Variants in PPP6R1 observed in about 807,000 individuals in gnomAD.
PPP6R1 encodes the protein protein phosphatase 6 regulatory subunit 1.
Under a neutral mutation model 104.6 loss-of-function variants are expected in PPP6R1, and 39 were observed. The ratio of observed to expected loss-of-function variants is 0.37; its 90% confidence interval spans 0.29 to 0.49. The LOEUF is 0.49. PPP6R1 is among the 20% of genes least tolerant of loss of function. The pLI is 0.98. For synonymous variants in PPP6R1, 549 were observed against 479.0 expected, an observed-to-expected ratio of 1.15 and a Z score of -1.91; for missense variants, 1,181 against 1,155.8, an observed-to-expected ratio of 1.02 and a Z score of -0.32.
chr19:55,230,336 T>A lies in PPP6R1; in HGVS notation c.*192A>T, dbSNP rs555642690. 507 of 714,178 alleles carry A rather than the reference T, an allele frequency of 7.1e-4. 3 individuals carry two copies. Among genetic ancestry groups the A allele is most frequent in the Middle Eastern group, 6.8e-3 (17 of 2,506 alleles). The allele number at this position is 714,178 out of a possible 1,614,324, so 44.2% of individuals were successfully genotyped here. A position where few individuals can be genotyped will look rare whatever the true frequency, so the allele number is the denominator to read the frequency against. On this transcript the variant is annotated 3_prime_UTR_variant, in exon 24 of 24. Transcript: ENST00000412770. ...TTCTAGGAGGCAACGCTCCAAAACT[T>A]CTCTTCTCAGTGCAAATGGGGGTGG...
At chr19:55,256,778 A>C (rs1488638149) in intron 1 of PPP6R1, among the ~76,000 whole-genome samples, 2 of 152,248 alleles carry the variant, frequency 1.3e-5, no homozygotes, top group African/African-American at 4.8e-5. Context: ...ACTTGAGTCC[A>C]GGAGTTCAAG....
downstream of PPP6R1, chr19:55,228,255 C>A: frequency 6.2e-7 from 1 of 1,612,580 alleles, no homozygotes; most frequent in Non-Finnish European, 8.5e-7. Flanking sequence ...CAAGGGCTCC[C>A]TGGAGGAGCT....
intron 1 of PPP6R1, among the ~76,000 whole-genome samples, chr19:55,257,296 ATGAAAT>A (rs1435442765): frequency 6.6e-6 from 1 of 152,158 alleles, no homozygotes; most frequent in Non-Finnish European, 1.5e-5. Context: ...CTTGGGCTGG[ATGAAAT>A]CCCACTGCAG....
At chr19:55,254,437 G>C (rs982130459) in intron 1 of PPP6R1, among the ~76,000 whole-genome samples, 12 of 152,032 alleles carry the variant, frequency 7.9e-5, no homozygotes, top group African/African-American at 2.9e-4. Context: ...ACCCCTCAAG[G>C]GCCTGCCAGC....
In PPP6R1 at chr19:55,239,924, GA is replaced by G; in HGVS notation, c.1478-14del. ...TCGCTGGGCAGCTCTGCTTAGGTGA[GA>G]GGGGTGAAGACGTGAGGCATCTCGG... On this transcript the variant is annotated splice_polypyrimidine_tract_variant and intron_variant, in intron 12 of 23. Coordinates refer to ENST00000412770, the MANE Select transcript of PPP6R1 (RefSeq NM_014931.4). 6.2e-7 allele frequency: 1 copy of G among 1,613,752 alleles called. No individual in the cohort carries two copies. The highest frequency in any genetic ancestry group is 8.5e-7 in the Non-Finnish European group (1 of 1,179,832).
chr19:55,252,571 T>G (rs2087562206), intron 1 of PPP6R1, among the ~76,000 whole-genome samples: 1 of 152,110 alleles, frequency 6.6e-6, no homozygotes, highest in African/African-American at 2.4e-5. Context: ...AATTTTTGTG[T>G]GTGTTTTTTT....
rs886673611 is a variant in PPP6R1 at position 55,245,780 on chromosome 19, G to A, written c.228-102C>T. On this transcript the variant is annotated intron_variant, in intron 2 of 23. Transcript: ENST00000412770. The surrounding 1 kb of genome is among the most constrained non-coding windows in gnomAD (Gnocchi z 6.4). ...TCTGCACCGGGCACTGGGTTTCTGG[G>A]AACTGCAGAGACCCCTGTCCAGGAA... 1.0e-6 allele frequency: 1 copy of A among 955,100 alleles called. No homozygotes were observed. Among genetic ancestry groups the A allele is most frequent in the East Asian group, 2.6e-5 (1 of 38,308 alleles). The allele number at this position is 955,100 out of a possible 1,614,324, so 59.2% of individuals were successfully genotyped here. A position where few individuals can be genotyped will look rare whatever the true frequency, so the allele number is the denominator to read the frequency against.
chr19:55,245,433 G>A lies in PPP6R1; in HGVS notation c.415-31C>T, dbSNP rs879018867. On this transcript the variant is annotated intron_variant, in intron 3 of 23. Coordinates refer to ENST00000412770, the MANE Select transcript of PPP6R1 (RefSeq NM_014931.4). The surrounding 1 kb of genome is among the most constrained non-coding windows in gnomAD (Gnocchi z 6.4). Reference sequence around the variant, plus strand: ...GGCACACGGGCTGCGTCATGCACAGGGCCTGGCCCAGCCACCACCCCTCAA... The same window carrying A: ...GGCACACGGGCTGCGTCATGCACAGAGCCTGGCCCAGCCACCACCCCTCAA... The A allele has an allele frequency of 3.7e-6, 6 of 1,612,592 alleles. No homozygotes were observed. Among genetic ancestry groups the A allele is most frequent in the Non-Finnish European group, 5.1e-6 (6 of 1,179,384 alleles).
Position 55,236,813 on chromosome 19 carries a change from G to A in PPP6R1, c.1818C>T (p.Ala606=), listed in dbSNP as rs2087403235. 1 of 1,613,784 alleles carries A rather than the reference G, an allele frequency of 6.2e-7. No homozygotes were observed. The highest frequency in any genetic ancestry group is 8.5e-7 in the Non-Finnish European group (1 of 1,179,818). ...CCTTGTAGCATATCTCAAGTAGGTT[G>A]GCGTTGGGCTGCAGGGCACAGGGGT... ...SLNADDENPN[A]NLLEICYKDR... The change falls in exon 17 of 24, where the codon GCC becomes GCT. Residue 606 remains alanine, a synonymous_variant. Coordinates refer to ENST00000412770, the MANE Select transcript of PPP6R1 (RefSeq NM_014931.4).
chr19:55,247,146 C>T, intron 1 of PPP6R1, 37 bp from the exon 2 acceptor site: 2 of 1,591,324 alleles, frequency 1.3e-6, no homozygotes, highest in Non-Finnish European at 1.7e-6. Flanking sequence ...GCGTCAGACG[C>T]CCCAGGGAGT....
At chr19:55,237,082 G>A in intron 15 of PPP6R1, 112 bp from the exon 16 acceptor site, 1 of 1,193,202 alleles carries the variant, frequency 8.4e-7, no homozygotes. Flanking sequence ...ATTACTTGCA[G>A]ATTTGGTATC....
chr19:55,252,299 G>A (rs866021121), intron 1 of PPP6R1, among the ~76,000 whole-genome samples: 8 of 151,858 alleles, frequency 5.3e-5, no homozygotes, highest in African/African-American at 1.5e-4. Context: ...GCGCGATCTC[G>A]GCTCACCGCA....
chr19:55,247,948 C>A (rs2087523954), intron 1 of PPP6R1, among the ~76,000 whole-genome samples: 1 of 152,230 alleles, frequency 6.6e-6, no homozygotes, highest in Non-Finnish European at 1.5e-5. Flanking sequence ...ACCCTGTCCC[C>A]ATCTGGAGCT....
intron 17 of PPP6R1, chr19:55,232,568 C>A: frequency 4.1e-6 from 1 of 242,924 alleles, no homozygotes; most frequent in Non-Finnish European, 8.0e-6. Flanking sequence ...TCACCTCACA[C>A]GGTCACCACA....
In PPP6R1 at chr19:55,235,819, A is replaced by AT. The variant is rs568029383; in HGVS notation, c.1988+823dup. On this transcript the variant is annotated intron_variant, in intron 17 of 23. Coordinates refer to ENST00000412770, the MANE Select transcript of PPP6R1 (RefSeq NM_014931.4). ...AGGCGTGAGCCACCGTGCCCGGCTGATTTTTTTTAATTTGTTGATTCTTTT... is the reference window on the plus strand; with the variant it reads ...AGGCGTGAGCCACCGTGCCCGGCTGATTTTTTTTTAATTTGTTGATTCTTTT... Among the ~76,000 whole-genome samples, 957 of 137,838 alleles carry AT rather than the reference A, an allele frequency of 6.9e-3. 13 individuals carry two copies. Among genetic ancestry groups the AT allele is most frequent in the African/African-American group, 0.022 (824 of 37,296 alleles). The allele number at this position is 137,838 out of a possible 152,430, so 90.4% of individuals were successfully genotyped here. A position where few individuals can be genotyped will look rare whatever the true frequency, so the allele number is the denominator to read the frequency against.
At chr19:55,248,941 G>A (rs2087532065) in intron 1 of PPP6R1, among the ~76,000 whole-genome samples, 1 of 152,158 alleles carries the variant, frequency 6.6e-6, no homozygotes, top group Non-Finnish European at 1.5e-5. Context: ...CCTAAGGCTG[G>A]GCTCAGCACA....
At chr19:55,244,797 T>A (rs1390077109) in intron 5 of PPP6R1, among the ~76,000 whole-genome samples, 1 of 151,454 alleles carries the variant, frequency 6.6e-6, no homozygotes, top group African/African-American at 2.4e-5. Flanking sequence ...CAGGCTGGAG[T>A]GCAGTGGTGT....
Position 55,230,682 on chromosome 19 carries a change from G to A in PPP6R1, c.2573C>T (p.Ala858Val). 1 of 1,592,430 alleles carries A rather than the reference G, an allele frequency of 6.3e-7. No homozygotes were observed. The highest frequency in any genetic ancestry group is 1.3e-5 in the African/African-American group (1 of 74,672). Reference protein sequence around the residue: ...EPLGLPQSQSAQALTPPPIPN... With the variant: ...EPLGLPQSQSVQALTPPPIPN... ...TATCGGAGGAGGCGTGAGGGCCTGG[G>A]CACTGTCAGGGGAGAGAGGGGATGT... Residue 858 changes from alanine (A) to valine (V), a missense_variant and splice_region_variant, in exon 23 of 24, where the codon GCC becomes GTC. Around this residue, in one of 2 missense-constraint regions of PPP6R1, gnomAD observed 1,042 missense variants for 955.6 expected, o/e 1.09. Transcript: ENST00000412770.
At chr19:55,242,598 C>T (rs910138703) in intron 5 of PPP6R1, 110 bp from the exon 6 acceptor site, 21 of 875,684 alleles carry the variant, frequency 2.4e-5, no homozygotes, top group Non-Finnish European at 3.6e-5. Flanking sequence ...AATGGTCACC[C>T]AGACACAGGG....
Sources: gnomAD v4.1 joint callset for allele counts (sites outside exome capture counted in the v4.1 genomes callset) on GRCh38, gnomAD v4.1.1 for gene constraint, gnomAD v4.1.1 regional missense constraint, Gnocchi (gnomAD v3.1) non-coding constraint, MANE v1.5 for transcripts, NCBI Gene and HGNC (gene_info 2026-07-23, HGNC 2026-07-21) for gene names.